The following INPP4B variants were observed in gnomAD, a reference collection of about 807,000 sequenced individuals.
The protein encoded by INPP4B is inositol polyphosphate 4-phosphatase type II.
INPP4B carries 55 observed loss-of-function variants against 122.5 expected under a neutral mutation model. The observed-to-expected ratio is 0.45, with a 90% CI of 0.36 to 0.56. The LOEUF is 0.56. Ranked by LOEUF, INPP4B falls within the 20% of genes least tolerant of loss-of-function variation. The pLI is 0.00. For missense variants in INPP4B, 1,000 were observed against 1,097.7 expected (o/e 0.91, Z 1.26); for synonymous variants, 403 against 388.7 (o/e 1.04, Z -0.43).
intron 1 of INPP4B, among the ~76,000 whole-genome samples, chr4:142,817,224 T>C (rs951094818): frequency 2.0e-5 from 3 of 152,144 alleles, no homozygotes; most frequent in Non-Finnish European, 2.9e-5. Context: ...ATTGCACTCA[T>C]TCATTTAACA....
At chr4:142,602,077 C>G (rs1458491571) in intron 2 of INPP4B, among the ~76,000 whole-genome samples, 2 of 151,440 alleles carry the variant, frequency 1.3e-5, no homozygotes, top group South Asian at 4.2e-4. Context: ...ACATCTAGAG[C>G]ACCTCATTGT....
At chr4:142,326,956 C>T (rs961134924) in intron 7 of INPP4B, among the ~76,000 whole-genome samples, 41 of 152,182 alleles carry the variant, frequency 2.7e-4, no homozygotes, top group Admixed American at 1.3e-4. Context: ...TAAACAGTCT[C>T]CTTCCAAAAT....
chr4:142,640,182 T>C (rs1464366545), intron 2 of INPP4B, among the ~76,000 whole-genome samples: 1 of 152,032 alleles, frequency 6.6e-6, no homozygotes, highest in East Asian at 1.9e-4. Context: ...TAACAGATAT[T>C]CCAATGGTAC....
At chr4:142,286,415 G>A (rs1293610778) in intron 9 of INPP4B, among the ~76,000 whole-genome samples, 1 of 152,154 alleles carries the variant, frequency 6.6e-6, no homozygotes, top group African/African-American at 2.4e-5. Context: ...TAGAAAGACA[G>A]TAAAAACTAA....
At position 142,725,880 on chromosome 4, in the gene INPP4B, G is replaced by A. The variant is rs1765285050; in HGVS notation, c.-232C>T. The A allele has an allele frequency of 5.0e-6, 2 of 397,796 alleles. No homozygotes were observed. Among genetic ancestry groups the A allele is most frequent in the Non-Finnish European group, 8.9e-6 (2 of 225,672 alleles). The allele number at this position is 397,796 out of a possible 1,614,324, so 24.6% of individuals were successfully genotyped here. ...ATAAAAGACAGAAGACCTCTTGCCA[G>A]GTAACACCATTTCTTTGTATTCTAC... is the stretch of plus-strand genomic sequence containing the variant. On this transcript the variant is annotated 5_prime_UTR_variant, in exon 2 of 26. Transcript: ENST00000262992.
chr4:142,283,305 T>G (rs185497861), intron 9 of INPP4B, among the ~76,000 whole-genome samples: 106 of 152,186 alleles, frequency 7.0e-4, no homozygotes, highest in Non-Finnish European at 2.1e-4. Context: ...CAGGCAGGAA[T>G]GAGGAGCTCA....
At chr4:142,065,872 G>T (rs1763261272) in intron 25 of INPP4B, among the ~76,000 whole-genome samples, 1 of 152,180 alleles carries the variant, frequency 6.6e-6, no homozygotes, top group East Asian at 1.9e-4. Context: ...TGTGTGGGGT[G>T]AGGTATAAGG....
chr4:142,720,780 T>TATA (rs1560996589), intron 2 of INPP4B, among the ~76,000 whole-genome samples: 1 of 16,322 alleles, frequency 6.1e-5, no homozygotes, highest in Non-Finnish European at 1.2e-4. Context: ...TCTCTCTCTC[T>TATA]CTCTCTCTCT....
intron 2 of INPP4B, among the ~76,000 whole-genome samples, chr4:142,709,948 G>T (rs761660652): frequency 6.6e-6 from 1 of 152,120 alleles, no homozygotes; most frequent in African/African-American, 2.4e-5. Context: ...ATTGGCGTAC[G>T]CAAGTTTTCT....
chr4:142,676,072 T>C (rs890610403), intron 2 of INPP4B, among the ~76,000 whole-genome samples: 1 of 152,176 alleles, frequency 6.6e-6, no homozygotes, highest in Non-Finnish European at 1.5e-5. Flanking sequence ...TGTTTGCAGA[T>C]GACATGATTG....
Position 142,405,317 on chromosome 4 carries a change from C to T in INPP4B, c.144G>A (p.Lys48=). The change falls in exon 6 of 26, where the codon AAG becomes AAA. Residue 48 remains lysine (K), a synonymous_variant. Transcript: ENST00000262992. ...EPQLEFILAC[K]DLVAPVRDRK... ...GATCACGGACAGGAGCCACGAGATC[C>T]TTGCATGCTGGCAACGGCAGAGGAG... 6.3e-7 allele frequency: 1 copy of T among 1,599,108 alleles called. No homozygotes were observed. Among genetic ancestry groups the T allele is most frequent in the Non-Finnish European group, 8.6e-7 (1 of 1,166,826 alleles).
intron 1 of INPP4B, among the ~76,000 whole-genome samples, chr4:142,806,617 G>T (rs1014620854): frequency 6.6e-6 from 1 of 151,628 alleles, no homozygotes; most frequent in Non-Finnish European, 1.5e-5. Flanking sequence ...GGTGGCATGT[G>T]CCTGTAGTCC....
intron 2 of INPP4B, among the ~76,000 whole-genome samples, chr4:142,554,971 C>T (rs1414740280): frequency 6.6e-6 from 1 of 152,170 alleles, no homozygotes; most frequent in East Asian, 1.9e-4. Flanking sequence ...ACTCTCTTAA[C>T]ATCAACTGCA....
At chr4:142,818,293 T>A (rs367836869) in intron 1 of INPP4B, among the ~76,000 whole-genome samples, 5 of 152,188 alleles carry the variant, frequency 3.3e-5, no homozygotes, top group Non-Finnish European at 7.4e-5. Flanking sequence ...CACTCCTTCA[T>A]TGAGAAATGC....
At chr4:142,723,637 C>T (rs1008574656) in intron 2 of INPP4B, among the ~76,000 whole-genome samples, 2 of 152,102 alleles carry the variant, frequency 1.3e-5, no homozygotes, top group African/African-American at 4.8e-5. Context: ...AGATTGCATG[C>T]TGAGCCCATT....
At chr4:142,791,411 A>G (rs1408450756) in intron 1 of INPP4B, among the ~76,000 whole-genome samples, 2 of 152,154 alleles carry the variant, frequency 1.3e-5, no homozygotes, top group Non-Finnish European at 2.9e-5. Context: ...TTCTGCCTAT[A>G]GCATTAGCTC....
chr4:142,760,238 C>A (rs990535160), intron 1 of INPP4B, among the ~76,000 whole-genome samples: 1 of 152,030 alleles, frequency 6.6e-6, no homozygotes, highest in Non-Finnish European at 1.5e-5. Flanking sequence ...CTGGAAAATG[C>A]TATTCTTATG....
At chr4:142,547,133 T>TC (rs1829732535) in intron 2 of INPP4B, among the ~76,000 whole-genome samples, 1 of 150,556 alleles carries the variant, frequency 6.6e-6, no homozygotes, top group Admixed American at 6.6e-5. Flanking sequence ...CCCAGTGCTT[T>TC]TTTTTTTTTT....
At chr4:142,510,499 T>C (rs775991873) in intron 2 of INPP4B, among the ~76,000 whole-genome samples, 2 of 152,182 alleles carry the variant, frequency 1.3e-5, no homozygotes, top group Non-Finnish European at 2.9e-5. Flanking sequence ...AAATACACAA[T>C]AAAATAATTA....
Sources: allele counts gnomAD v4.1 joint callset (sites outside exome capture counted in the v4.1 genomes callset), GRCh38; gene constraint gnomAD v4.1.1; transcripts MANE v1.5; gene names NCBI Gene and HGNC (gene_info 2026-07-23, HGNC 2026-07-21).